CAMTA1: variants seen among roughly 807,000 people sequenced by gnomAD.
CAMTA1 encodes calmodulin binding transcription activator 1.
A neutral mutation model predicts 170.9 loss-of-function variants in CAMTA1; 27 were observed. The observed-to-expected ratio is 0.16, with a 90% CI of 0.12 to 0.22. The LOEUF (loss-of-function observed/expected upper bound fraction) is 0.22. Among genes scored for constraint, CAMTA1 ranks in the 10% least tolerant of loss-of-function variants. CAMTA1 has a pLI of 1.00. For synonymous variants in CAMTA1, 833 were observed against 891.5 expected (o/e 0.93, Z 1.17); for missense variants, 1,619 against 2,217.2 (o/e 0.73, Z 5.42).
intron 3 of CAMTA1, among the ~76,000 whole-genome samples, chr1:6,961,333 G>C (rs1445785041): frequency 6.6e-6 from 1 of 152,174 alleles, no homozygotes; most frequent in Non-Finnish European, 1.5e-5. Flanking sequence ...CTGACCTAGC[G>C]GGAACTGAAG....
chr1:6,986,518 C>T (rs948127074), intron 3 of CAMTA1, among the ~76,000 whole-genome samples: 6 of 152,076 alleles, frequency 3.9e-5, no homozygotes, highest in Admixed American at 2.6e-4. Context: ...TGCCAGTGCC[C>T]GCCCTGGAGG....
At chr1:7,268,473 C>T (rs760591935) in intron 5 of CAMTA1, among the ~76,000 whole-genome samples, 5 of 151,980 alleles carry the variant, frequency 3.3e-5, no homozygotes, top group Non-Finnish European at 7.4e-5. Flanking sequence ...CAGAGCTCAC[C>T]CAGAACTGGC....
chr1:7,507,745 G>A (rs577578730), intron 6 of CAMTA1, among the ~76,000 whole-genome samples: 4 of 152,316 alleles, frequency 2.6e-5, no homozygotes, highest in East Asian at 1.9e-4. Flanking sequence ...CACGGGCCAC[G>A]TCCAGATAAG....
chr1:7,518,706 A>C (rs2094320962), intron 6 of CAMTA1, among the ~76,000 whole-genome samples: 1 of 151,730 alleles, frequency 6.6e-6, no homozygotes, highest in African/African-American at 2.4e-5. Flanking sequence ...CACTTAGCTG[A>C]CTCCTGGAAA....
At chr1:6,785,923 G>A (rs1179274206) in intron 1 of CAMTA1, among the ~76,000 whole-genome samples, 10 of 148,524 alleles carry the variant, frequency 6.7e-5, no homozygotes, top group East Asian at 4.1e-4. Context: ...CATCCCCGCC[G>A]CTCCCGAGCC....
intron 16 of CAMTA1, among the ~76,000 whole-genome samples, chr1:7,744,018 G>A (rs1172838661): frequency 4.0e-5 from 6 of 151,460 alleles, no homozygotes; most frequent in African/African-American, 1.5e-4. Flanking sequence ...TAATAGAGAC[G>A]GGGTTTCACC....
intron 5 of CAMTA1, among the ~76,000 whole-genome samples, chr1:7,379,348 CA>C (rs1288378394): frequency 6.6e-6 from 1 of 152,152 alleles, no homozygotes; most frequent in Non-Finnish European, 1.5e-5. Context: ...TGGTCTGGAG[CA>C]AAATATGTGA....
rs1323389362 is a variant in CAMTA1 at position 6,977,006 on chromosome 1, A to G, written c.235-114298A>G. Among the ~76,000 whole-genome samples the G allele has an allele frequency of 4.6e-5, 7 of 152,222 alleles. No individual in the cohort carries two copies. In the East Asian group the frequency reaches 1.4e-3, roughly 29 times the overall value. ...CTTCTCTTCTCCTTTGCCTTTCACCATGATTGTGAGGCCTCCCTAGCCATG... is the reference window on the plus strand; with the variant it reads ...CTTCTCTTCTCCTTTGCCTTTCACCGTGATTGTGAGGCCTCCCTAGCCATG... On this transcript the variant is annotated intron_variant, in intron 3 of 22. Coordinates refer to ENST00000303635, the MANE Select transcript of CAMTA1 (RefSeq NM_015215.4).
intron 5 of CAMTA1, among the ~76,000 whole-genome samples, chr1:7,417,566 C>A (rs2859316): frequency 0.84 from 127,258 of 151,232 alleles, 54,565 homozygotes; most frequent in East Asian, 0.99. Context: ...GGCGTAGGAC[C>A]CTCTGAGCCA....
intron 11 of CAMTA1, among the ~76,000 whole-genome samples, chr1:7,704,491 C>T (rs1188512874): frequency 1.4e-5 from 2 of 146,308 alleles, no homozygotes; most frequent in Non-Finnish European, 3.0e-5. Flanking sequence ...GACGCCCGGG[C>T]CGCGCTCCGC....
chr1:6,814,697 G>C (rs1003244382), intron 1 of CAMTA1, among the ~76,000 whole-genome samples: 1 of 152,170 alleles, frequency 6.6e-6, no homozygotes, highest in Non-Finnish European at 1.5e-5. Context: ...CGTATCTACA[G>C]TTTTTTCTTT....
chr1:7,551,740 C>G (rs2094805794), intron 6 of CAMTA1, among the ~76,000 whole-genome samples: 1 of 152,328 alleles, frequency 6.6e-6, no homozygotes, highest in African/African-American at 2.4e-5. Context: ...CCCTTGGAGC[C>G]TGTCCCTGGC....
chr1:7,639,139 C>T (rs1442426883), intron 6 of CAMTA1, among the ~76,000 whole-genome samples: 3 of 152,070 alleles, frequency 2.0e-5, no homozygotes, highest in African/African-American at 2.4e-5. Context: ...CCACCATGCC[C>T]GGCTAATTTT....
rs1050547099 is a variant in CAMTA1, at chr1:7,151,191, C to T, written c.302+59820C>T. Among the ~76,000 whole-genome samples, 17 of 152,192 alleles carry T rather than the reference C, an allele frequency of 1.1e-4. No homozygotes were observed. The East Asian group carries it at 1.2e-3, about 10-fold the overall frequency. On this transcript the variant is annotated intron_variant, in intron 4 of 22. Transcript: ENST00000303635. ...CTCTCCCTTGGCCAGCGCTGGCGTT[C>T]GCGCCTGGCTCCCTGGCTTTCTTCT...
intron 5 of CAMTA1, among the ~76,000 whole-genome samples, chr1:7,287,690 A>G (rs1463069235): frequency 6.6e-6 from 1 of 152,216 alleles, no homozygotes; most frequent in Non-Finnish European, 1.5e-5. Context: ...CAGTGGCTTA[A>G]CAAGTTCAAG....
At chr1:6,928,533 C>G (rs1394131329) in intron 3 of CAMTA1, among the ~76,000 whole-genome samples, 1 of 152,158 alleles carries the variant, frequency 6.6e-6, no homozygotes, top group African/African-American at 2.4e-5. Flanking sequence ...TCTGCCCTCC[C>G]CACCCTAACT....
chr1:6,833,523 T>C (rs1651427263), intron 3 of CAMTA1, among the ~76,000 whole-genome samples: 1 of 152,204 alleles, frequency 6.6e-6, no homozygotes, highest in Non-Finnish European at 1.5e-5. Flanking sequence ...ATGAGTATCA[T>C]ACTGACTGTT....
At chr1:7,568,306 C>T (rs996252790) in intron 6 of CAMTA1, among the ~76,000 whole-genome samples, 1 of 151,042 alleles carries the variant, frequency 6.6e-6, no homozygotes, top group Non-Finnish European at 1.5e-5. Context: ...TCACCATCAC[C>T]ACCACCATCC....
At chr1:7,366,830 A>G (rs2086008082) in intron 5 of CAMTA1, among the ~76,000 whole-genome samples, 1 of 152,160 alleles carries the variant, frequency 6.6e-6, no homozygotes, top group Admixed American at 6.5e-5. Flanking sequence ...CCCTCCCTGG[A>G]ATGGACAAGG....
Sources: allele counts gnomAD v4.1 joint callset (sites outside exome capture counted in the v4.1 genomes callset), GRCh38; gene constraint gnomAD v4.1.1; transcripts MANE v1.5; gene names NCBI Gene and HGNC (gene_info 2026-07-23, HGNC 2026-07-21).